The following TKT variants were observed in gnomAD, a reference collection of about 807,000 sequenced individuals.
TKT encodes transketolase, also known as epididymis luminal protein 107.
A neutral mutation model predicts 63.9 loss-of-function variants in TKT; 47 were observed. That is an observed-to-expected ratio of 0.74 (90% CI 0.58 to 0.94). The LOEUF is 0.94. Ranked by LOEUF, TKT falls within the 40% of genes least tolerant of loss-of-function variation. TKT has a pLI of 0.00. For missense variants in TKT, 721 were observed against 846.2 expected, an observed-to-expected ratio of 0.85 and a Z score of 1.84; for synonymous variants, 338 against 334.1, an observed-to-expected ratio of 1.01 and a Z score of -0.13.
At chr3:53,233,051 C>G in intron 6 of TKT, 105 bp downstream of exon 6, 1 of 959,574 alleles carries the variant, frequency 1.0e-6, no homozygotes, top group Non-Finnish European at 1.6e-6. Flanking sequence ...CTGGTGAGCT[C>G]AGTGAGCAGC....
intron 8 of TKT, 98 bp downstream of exon 8, chr3:53,230,359 C>G: frequency 6.6e-7 from 1 of 1,511,680 alleles, no homozygotes; most frequent in Admixed American, 1.7e-5. Context: ...GGCTGGCCTA[C>G]AGCAGGCACC....
intron 1 of TKT, among the ~76,000 whole-genome samples, chr3:53,255,483 G>T (rs920445319): frequency 6.6e-5 from 10 of 152,202 alleles, no homozygotes; most frequent in African/African-American, 9.7e-5. Context: ...AGCAGTAATG[G>T]TGGCCTTCCC....
Position 53,255,847 on chromosome 3 carries a change from C to T in TKT, c.96G>A (p.Ala32=). The T allele has an allele frequency of 1.3e-6, 2 of 1,532,822 alleles. No individual in the cohort carries two copies. The allele number at this position is 1,532,822 out of a possible 1,614,324, so 95.0% of individuals were successfully genotyped here. ...CGCCGCGCACTCACCCAGAGCCCGC[C>T]GCAGTGGTGGCCTGGATGGAGCTGA... The part of the protein sequence containing the change: ...LRISSIQATT[A]AGSGHPTSCC... Residue 32 remains alanine, a synonymous_variant, in exon 1 of 14, where the codon GCG becomes GCA. Coordinates refer to ENST00000462138, the MANE Select transcript of TKT (RefSeq NM_001064.4).
intron 12 of TKT, chr3:53,227,649 C>A (rs1477611586): frequency 5.4e-6 from 1 of 186,280 alleles, no homozygotes. Flanking sequence ...TGCATGTAAC[C>A]CTCAGGAGAG....
intron 8 of TKT, 92 bp from the exon 9 acceptor site, chr3:53,229,528 GTA>G: frequency 8.8e-6 from 12 of 1,356,556 alleles, no homozygotes; most frequent in Non-Finnish European, 1.2e-5. Flanking sequence ...GCCACAATTT[GTA>G]TATAGATTGT....
chr3:53,239,681 G>A (rs1220856157), intron 4 of TKT, among the ~76,000 whole-genome samples: 2 of 151,948 alleles, frequency 1.3e-5, no homozygotes, highest in African/African-American at 4.8e-5. Flanking sequence ...GTGGGCGCTA[G>A]AGCAGCACAC....
chr3:53,238,940 G>C (rs1438552215), intron 4 of TKT, among the ~76,000 whole-genome samples: 3 of 152,240 alleles, frequency 2.0e-5, no homozygotes, highest in African/African-American at 7.2e-5. Flanking sequence ...GACATGGTTA[G>C]GCTCTGGGTC....
intron 1 of TKT, among the ~76,000 whole-genome samples, chr3:53,244,215 CA>C (rs1287838643): frequency 2.6e-5 from 4 of 152,220 alleles, no homozygotes; most frequent in Non-Finnish European, 5.9e-5. Context: ...TCACTTCTAC[CA>C]AGTAAACACG....
intron 13 of TKT, 186 bp downstream of exon 13, chr3:53,226,570 A>T: frequency 1.4e-6 from 1 of 720,396 alleles, no homozygotes; most frequent in Non-Finnish European, 2.2e-6. Flanking sequence ...AGCAGCTGTG[A>T]GTTAGCTAGG....
In TKT at chr3:53,231,243, C is replaced by T. The variant is rs1467440825; in HGVS notation, c.942+114G>A. ...GAACAACACCTCAGGGATCACTCCTCGCCCTAAATGAATCGCTCTCCTCCC... is the reference window on the plus strand; with the variant it reads ...GAACAACACCTCAGGGATCACTCCTTGCCCTAAATGAATCGCTCTCCTCCC... On this transcript the variant is annotated intron_variant, in intron 7 of 13. Transcript: ENST00000462138. 72 of 1,191,132 alleles carry T rather than the reference C, an allele frequency of 6.0e-5. 1 individual carries two copies. The East Asian group carries it at 1.4e-3, about 24-fold the overall frequency. The allele number at this position is 1,191,132 out of a possible 1,614,324, so 73.8% of individuals were successfully genotyped here.
At chr3:53,245,160 G>C (rs1705450861) in intron 1 of TKT, among the ~76,000 whole-genome samples, 1 of 151,682 alleles carries the variant, frequency 6.6e-6, no homozygotes, top group South Asian at 2.1e-4. Flanking sequence ...CAAAAAATTA[G>C]CCAGGTGTGG....
chr3:53,249,500 T>TATGTG (rs1340837334), intron 1 of TKT, among the ~76,000 whole-genome samples: 4 of 151,976 alleles, frequency 2.6e-5, no homozygotes, highest in Non-Finnish European at 2.9e-5. Context: ...GAAAATCGCT[T>TATGTG]GAACCTAGGA....
intron 1 of TKT, among the ~76,000 whole-genome samples, chr3:53,242,564 T>C: frequency 6.6e-6 from 1 of 151,910 alleles, no homozygotes; most frequent in East Asian, 1.9e-4. Flanking sequence ...CCAGGAGAGA[T>C]CTAGCACAGA....
In TKT at chr3:53,228,132, C is replaced by A; in HGVS notation, c.1497G>T (p.Lys499Asn). 1 of 1,613,966 alleles carries A rather than the reference C, an allele frequency of 6.2e-7. No individual in the cohort carries two copies. Among genetic ancestry groups the A allele is most frequent in the Non-Finnish European group, 8.5e-7 (1 of 1,179,940 alleles). ...CCCCGATAACGGTCACCTGGTCATC[C>A]TTGCTCTTCAGGACCACCTGGGGGT... ...VGQAKVVLKSKDDQVTVIGAG... is the reference protein window; with the variant it reads ...VGQAKVVLKSNDDQVTVIGAG... Residue 499 changes from lysine to asparagine, a missense_variant, in exon 12 of 14, where the codon AAG becomes AAT. Physicochemically the swap from Lys to Asn is moderately conservative, Grantham distance 94. Transcript: ENST00000462138.
intron 1 of TKT, among the ~76,000 whole-genome samples, chr3:53,250,934 C>T (rs1432719451): frequency 1.3e-5 from 2 of 152,036 alleles, no homozygotes; most frequent in African/African-American, 2.4e-5. Context: ...GGCACATGCA[C>T]AGCTCTTTCT....
At chr3:53,231,159 C>T (rs936417199) in intron 7 of TKT, among the ~76,000 whole-genome samples, 198 bp downstream of exon 7, 5 of 152,286 alleles carry the variant, frequency 3.3e-5, no homozygotes, top group African/African-American at 4.8e-5. Flanking sequence ...TTCCCTTGCC[C>T]GGTCTGAGCC....
chr3:53,241,668 AG>A (rs1194701388), intron 2 of TKT, among the ~76,000 whole-genome samples: 3 of 151,780 alleles, frequency 2.0e-5, no homozygotes, highest in Admixed American at 6.6e-5. Flanking sequence ...TCCACCCAGA[AG>A]GGGGGGGTCA....
chr3:53,247,397 C>T (rs1403290874), intron 1 of TKT, among the ~76,000 whole-genome samples: 10 of 144,156 alleles, frequency 6.9e-5, no homozygotes, highest in African/African-American at 2.0e-4. Context: ...AGGCCAGGGG[C>T]GGTGGCTCAC....
At chr3:53,237,036 C>A (rs370114109) in intron 4 of TKT, among the ~76,000 whole-genome samples, 2 of 152,322 alleles carry the variant, frequency 1.3e-5, no homozygotes, top group East Asian at 1.9e-4. Flanking sequence ...CAACAAAGGA[C>A]TGGCTAGATG....
Sources: gnomAD v4.1 joint callset for allele counts (sites outside exome capture counted in the v4.1 genomes callset) on GRCh38, gnomAD v4.1.1 for gene constraint, MANE v1.5 for transcripts, NCBI Gene and HGNC (gene_info 2026-07-23, HGNC 2026-07-21) for gene names.